The following DRC11 variants were observed in gnomAD, a reference collection of about 807,000 sequenced individuals.
DRC11 encodes the protein IQ and AAA domain-containing protein 1.
the DRC11 span, among the ~76,000 whole-genome samples, chr2:236,308,872 C>G: frequency 6.6e-6 from 1 of 152,126 alleles, no homozygotes; most frequent in Non-Finnish European, 1.5e-5. This position sits in a 1 kb window ranked among gnomAD's most constrained non-coding sequence, Gnocchi z 6.0. Flanking sequence ...AATTATTATC[C>G]AACAGTTAAA....
the DRC11 span, among the ~76,000 whole-genome samples, chr2:236,415,238 T>C: frequency 1.3e-5 from 2 of 152,156 alleles, no homozygotes; most frequent in Non-Finnish European, 2.9e-5. This position sits in a 1 kb window ranked among gnomAD's most constrained non-coding sequence, Gnocchi z 5.7. Context: ...ATTATGCATA[T>C]AGAACTGGCA....
the DRC11 span, among the ~76,000 whole-genome samples, chr2:236,339,895 C>A: frequency 1.3e-5 from 2 of 152,182 alleles, no homozygotes; most frequent in South Asian, 4.1e-4. Context: ...TCCTGAATTT[C>A]TGGATGAATT....
chr2:236,334,407 G>A, the DRC11 span, among the ~76,000 whole-genome samples: 1 of 152,166 alleles, frequency 6.6e-6, no homozygotes, highest in Non-Finnish European at 1.5e-5. The surrounding 1 kb of genome is among the most constrained non-coding windows in gnomAD (Gnocchi z 7.8). Flanking sequence ...GTGCAGTGGG[G>A]AGCACAGATG....
At chr2:236,506,653 A>C in the DRC11 span, among the ~76,000 whole-genome samples, 1 of 152,230 alleles carries the variant, frequency 6.6e-6, no homozygotes, top group Admixed American at 6.5e-5. This position sits in a 1 kb window ranked among gnomAD's most constrained non-coding sequence, Gnocchi z 4.9. Context: ...CCTACGTTAC[A>C]GGGTTGCTGT....
At chr2:236,344,824 G>C in the DRC11 span, among the ~76,000 whole-genome samples, 1 of 150,174 alleles carries the variant, frequency 6.7e-6, no homozygotes, top group African/African-American at 2.5e-5. Context: ...GCAGAGCCCT[G>C]GTTGTAAATG....
chr2:236,326,681 T>C, the DRC11 span, among the ~76,000 whole-genome samples: 5,470 of 152,276 alleles, frequency 0.036, 307 homozygotes, highest in African/African-American at 0.12. Flanking sequence ...ATGGAAGTCA[T>C]GCTCTCATTT....
At chr2:236,384,407 G>A in the DRC11 span, among the ~76,000 whole-genome samples, 1 of 152,036 alleles carries the variant, frequency 6.6e-6, no homozygotes, top group Non-Finnish European at 1.5e-5. Context: ...GCATTTCTCT[G>A]ATGGCCAGTG....
At chr2:236,507,069 C>T in the DRC11 span, among the ~76,000 whole-genome samples, 1 of 151,364 alleles carries the variant, frequency 6.6e-6, no homozygotes, top group Admixed American at 6.6e-5. Flanking sequence ...TCCTTGCTCA[C>T]AAGAAGCAGA....
the DRC11 span, among the ~76,000 whole-genome samples, chr2:236,356,907 ATATAT>A: frequency 0.19 from 24,618 of 126,760 alleles, 3,069 homozygotes; most frequent in African/African-American, 0.35. Flanking sequence ...ATGTATATTT[ATATAT>A]TATATATATT....
the DRC11 span, among the ~76,000 whole-genome samples, chr2:236,501,233 C>T: frequency 6.6e-6 from 1 of 152,058 alleles, no homozygotes; most frequent in Non-Finnish European, 1.5e-5. Context: ...GAGAATGGCA[C>T]AAAAGGGGAA....
chr2:236,382,784 C>A, the DRC11 span, among the ~76,000 whole-genome samples: 3 of 152,112 alleles, frequency 2.0e-5, no homozygotes, highest in Non-Finnish European at 4.4e-5. Flanking sequence ...GCATGTTTAT[C>A]TTATATCCTG....
the DRC11 span, chr2:236,488,102 T>TAA: frequency 6.2e-7 from 1 of 1,610,672 alleles, no homozygotes; most frequent in Admixed American, 1.7e-5. Flanking sequence ...GCTTCATGAA[T>TAA]AAAGCCCTTA....
the DRC11 span, chr2:236,367,631 A>AT: frequency 6.5e-6 from 1 of 152,714 alleles, no homozygotes; most frequent in Non-Finnish European, 1.5e-5. This position sits in a 1 kb window ranked among gnomAD's most constrained non-coding sequence, Gnocchi z 4.8. Context: ...TGAGCCGCAG[A>AT]TATCTGTGCT....
the DRC11 span, among the ~76,000 whole-genome samples, chr2:236,463,672 G>T: frequency 6.6e-6 from 1 of 152,128 alleles, no homozygotes; most frequent in Non-Finnish European, 1.5e-5. This position sits in a 1 kb window ranked among gnomAD's most constrained non-coding sequence, Gnocchi z 5.0. Context: ...TTAGGTTTTT[G>T]TAAATCACTG....
At chr2:236,357,119 A>T in the DRC11 span, among the ~76,000 whole-genome samples, 337 of 107,984 alleles carry the variant, frequency 3.1e-3, 2 homozygotes, top group African/African-American at 0.014. Flanking sequence ...ATATCTATAT[A>T]TTATATATTC....
the DRC11 span, chr2:236,331,402 G>T: frequency 6.2e-7 from 1 of 1,613,884 alleles, no homozygotes; most frequent in Non-Finnish European, 8.5e-7. The surrounding 1 kb of genome is among the most constrained non-coding windows in gnomAD (Gnocchi z 4.8). Context: ...ATTCATGCTG[G>T]TTATCGCCGT....
chr2:236,457,474 C>T, the DRC11 span, among the ~76,000 whole-genome samples: 10 of 152,142 alleles, frequency 6.6e-5, no homozygotes, highest in African/African-American at 1.4e-4. The surrounding 1 kb of genome is among the most constrained non-coding windows in gnomAD (Gnocchi z 4.7). Flanking sequence ...GCGATTATGG[C>T]GCTCATCTCA....
chr2:236,494,368 AATT>A, the DRC11 span, among the ~76,000 whole-genome samples: 1 of 152,158 alleles, frequency 6.6e-6, no homozygotes, highest in Non-Finnish European at 1.5e-5. This position sits in a 1 kb window ranked among gnomAD's most constrained non-coding sequence, Gnocchi z 4.2. Flanking sequence ...CCATTGCAAA[AATT>A]ATTTACAAAA....
chr2:236,331,351 T>TC, the DRC11 span: 1 of 1,590,238 alleles, frequency 6.3e-7, no homozygotes, highest in Non-Finnish European at 8.6e-7. This position sits in a 1 kb window ranked among gnomAD's most constrained non-coding sequence, Gnocchi z 4.8. Flanking sequence ...ATCAGGGTGT[T>TC]CATTTACCTT....
Sources: gnomAD v4.1 joint callset for allele counts (sites outside exome capture counted in the v4.1 genomes callset) on GRCh38, gnomAD v4.1.1 for gene constraint, Gnocchi (gnomAD v3.1) non-coding constraint, MANE v1.5 for transcripts, NCBI Gene and HGNC (gene_info 2026-07-23, HGNC 2026-07-21) for gene names.